The following TOLLIP variants were observed in gnomAD, a reference collection of about 807,000 sequenced individuals.
The protein encoded by TOLLIP is toll-interacting protein.
Under a neutral mutation model 33.5 loss-of-function variants are expected in TOLLIP, and 16 were observed. The ratio of observed to expected loss-of-function variants is 0.48; its 90% CI spans 0.32 to 0.72. TOLLIP has a LOEUF of 0.72. Among genes scored for constraint, TOLLIP ranks in the 30% least tolerant of loss-of-function variants. The probability of loss-of-function intolerance (pLI) is 0.03; values close to 1 mark genes in which losing one functional copy is unlikely to be tolerated. For missense variants in TOLLIP, 325 were observed against 396.6 expected (o/e 0.82, Z 1.53); for synonymous variants, 176 against 163.7 (o/e 1.07, Z -0.57).
chr11:1,299,728 G>A (rs918942736), intron 1 of TOLLIP, among the ~76,000 whole-genome samples: 1 of 152,200 alleles, frequency 6.6e-6, no homozygotes, highest in Non-Finnish European at 1.5e-5. Context: ...CCGTGTGAAG[G>A]CCAACAATTC....
chr11:1,308,490 T>G (rs1452176870), intron 1 of TOLLIP, among the ~76,000 whole-genome samples: 2 of 152,188 alleles, frequency 1.3e-5, no homozygotes, highest in Non-Finnish European at 2.9e-5. Context: ...TTACCCAGTC[T>G]CGGTATTCCT....
intron 4 of TOLLIP, 91 bp downstream of exon 4, chr11:1,288,533 G>GA (rs1863822094): frequency 6.9e-7 from 1 of 1,444,476 alleles, no homozygotes; most frequent in Non-Finnish European, 9.3e-7. Context: ...GTGCCTCCAG[G>GA]AAAGAGACAA....
At chr11:1,281,232 C>T (rs551787135) in intron 5 of TOLLIP, among the ~76,000 whole-genome samples, 3 of 152,304 alleles carry the variant, frequency 2.0e-5, no homozygotes, top group African/African-American at 7.2e-5. Context: ...ATGATCATGG[C>T]GTAAAAGCTT....
rs1863394492 is a variant in TOLLIP at position 1,278,811 on chromosome 11, T to C, written c.611-1558A>G. ...TGGCCACCCTCACCACCCTTTCTTC[T>C]TCCTCAAACAAGACAAAGGCTTGGG... On this transcript the variant is annotated intron_variant, in intron 5 of 5. Coordinates refer to ENST00000317204, the MANE Select transcript of TOLLIP (RefSeq NM_019009.4). This position sits in a 1 kb window ranked among gnomAD's most constrained non-coding sequence, Gnocchi z 4.7. 6.6e-6 allele frequency among the ~76,000 whole-genome samples: 1 copy of C among 152,184 alleles called. No individual in the cohort carries two copies. Among genetic ancestry groups the C allele is most frequent in the African/African-American group, 2.4e-5 (1 of 41,452 alleles).
At position 1,290,629 on chromosome 11, in the gene TOLLIP, C is replaced by T. The variant is rs1863903540; in HGVS notation, c.184-220G>A. 6.6e-6 allele frequency among the ~76,000 whole-genome samples: 1 copy of T among 152,156 alleles called. No homozygotes were observed. Among genetic ancestry groups the T allele is most frequent in the African/African-American group, 2.4e-5 (1 of 41,432 alleles). On this transcript the variant is annotated intron_variant, in intron 2 of 5. Transcript: ENST00000317204. This position sits in a 1 kb window ranked among gnomAD's most constrained non-coding sequence, Gnocchi z 4.9. ...GATCGTGCAGTTCTGAGACAAAGCA[C>T]GTGGCTCGTCCTTGACAGCAGAAAC...
At chr11:1,287,226 T>C (rs748972033) in intron 4 of TOLLIP, among the ~76,000 whole-genome samples, 4 of 152,242 alleles carry the variant, frequency 2.6e-5, no homozygotes, top group Non-Finnish European at 5.9e-5. Context: ...GTAAAATCAC[T>C]GGAGCGTCAT....
intron 1 of TOLLIP, chr11:1,305,919 C>A (rs5743876): frequency 6.6e-6 from 1 of 152,170 alleles, no homozygotes; most frequent in Non-Finnish European, 1.5e-5. Flanking sequence ...GGGGTCCACA[C>A]GGTACTCCTC....
intron 3 of TOLLIP, 78 bp from the exon 4 acceptor site, chr11:1,288,854 C>T: frequency 6.7e-7 from 1 of 1,495,866 alleles, no homozygotes; most frequent in Non-Finnish European, 9.1e-7. Flanking sequence ...CATCGTGGGC[C>T]CGCCTCGAGT....
chr11:1,286,795 T>G (rs1590212596), intron 4 of TOLLIP, among the ~76,000 whole-genome samples: 1 of 151,952 alleles, frequency 6.6e-6, no homozygotes, highest in East Asian at 1.9e-4. Context: ...TGTCTCTGAG[T>G]TCAAAACTGT....
chr11:1,283,540 C>T, intron 5 of TOLLIP: 1 of 456,262 alleles, frequency 2.2e-6, no homozygotes, highest in Non-Finnish European at 4.4e-6. Context: ...GCAGATGTTC[C>T]TGCATCTCCT....
intron 1 of TOLLIP, 34 bp downstream of exon 1, chr11:1,309,432 C>A: frequency 8.0e-7 from 1 of 1,242,950 alleles, no homozygotes. Context: ...CCGCAGGTCA[C>A]CGCCCCCGCC....
At position 1,290,492 on chromosome 11, in the gene TOLLIP, C is replaced by T. The variant is rs958196930; in HGVS notation, c.184-83G>A. On this transcript the variant is annotated intron_variant, in intron 2 of 5. Transcript: ENST00000317204. This position sits in a 1 kb window ranked among gnomAD's most constrained non-coding sequence, Gnocchi z 4.9. ...CTCTAGGCCGTCTGCCTCCCTGAAC[C>T]CTTCCACGAGGCCTTTTCCTAACAC... 3.7e-6 allele frequency: 5 copies of T among 1,352,964 alleles called. No homozygotes were observed. In the African/African-American group the frequency reaches 7.2e-5, roughly 19 times the overall value. The allele number at this position is 1,352,964 out of a possible 1,614,324, so 83.8% of individuals were successfully genotyped here. A position where few individuals can be genotyped will look rare whatever the true frequency, so the allele number is the denominator to read the frequency against.
At chr11:1,281,277 C>T (rs1863488662) in intron 5 of TOLLIP, among the ~76,000 whole-genome samples, 1 of 152,222 alleles carries the variant, frequency 6.6e-6, no homozygotes, top group Non-Finnish European at 1.5e-5. Context: ...TCCAGCCTCC[C>T]TTCCTCACTG....
In TOLLIP at chr11:1,309,591, G is replaced by C; in HGVS notation, c.-93C>G. 1.7e-6 allele frequency: 1 copy of C among 573,856 alleles called. No homozygotes were observed. The highest frequency in any genetic ancestry group is 4.1e-5 in the East Asian group (1 of 24,390). 35.5% of individuals were successfully genotyped at this position (573,856 alleles called of 1,614,324 possible). On this transcript the variant is annotated 5_prime_UTR_variant, in exon 1 of 6. Transcript: ENST00000317204. The stretch of plus-strand genomic sequence containing the variant: ...GCCGGAGCCTGCGACGGAGACAGTT[G>C]TCACCTCGAGGCCGCCGCCGCCACA...
intron 4 of TOLLIP, 109 bp from the exon 5 acceptor site, chr11:1,286,201 C>T: frequency 6.4e-6 from 5 of 785,640 alleles, no homozygotes; most frequent in Non-Finnish European, 1.0e-5. Flanking sequence ...CCAGAATCGC[C>T]CTCCCCATGC....
chr11:1,304,799 A>G (rs1864381956), intron 1 of TOLLIP, among the ~76,000 whole-genome samples: 1 of 152,102 alleles, frequency 6.6e-6, no homozygotes, highest in Non-Finnish European at 1.5e-5. Context: ...GCAATGAGAG[A>G]AAAAAAATAA....
At position 1,300,093 on chromosome 11, in the gene TOLLIP, C is replaced by G. The variant is rs559096159; in HGVS notation, c.34-4299G>C. On this transcript the variant is annotated intron_variant, in intron 1 of 5. Transcript: ENST00000317204. ...ATATCCTGCTAGTTATTTTTAGAAA[C>G]TTTTTAAAAACATTCGTGAATTACT... Among the ~76,000 whole-genome samples the G allele has an allele frequency of 5.3e-5, 8 of 152,318 alleles. 1 individual carries two copies. The East Asian group carries it at 1.5e-3, about 29-fold the overall frequency.
chr11:1,302,786 A>G (rs1249365875), intron 1 of TOLLIP: 1 of 985,488 alleles, frequency 1.0e-6, no homozygotes, highest in Non-Finnish European at 1.2e-6. Context: ...CTCCCACGCC[A>G]GTGTGGACGG....
In TOLLIP at chr11:1,276,012, A is replaced by T. The variant is rs1428528638; in HGVS notation, c.*1027T>A. On this transcript the variant is annotated 3_prime_UTR_variant, in exon 6 of 6. Transcript: ENST00000317204. ...CCTAAAATCTGTCCTGTAGGCCAAGATGCTACACGCAGCGCCCAGGCAGTC... is the reference window on the plus strand; with the variant it reads ...CCTAAAATCTGTCCTGTAGGCCAAGTTGCTACACGCAGCGCCCAGGCAGTC... 1 of 152,226 alleles carries T rather than the reference A, an allele frequency of 6.6e-6. No homozygotes were observed. Among genetic ancestry groups the T allele is most frequent in the Non-Finnish European group, 1.5e-5 (1 of 68,046 alleles). 9.4% of individuals were successfully genotyped at this position (152,226 alleles called of 1,614,324 possible).
Sources: gnomAD v4.1 joint callset for allele counts (sites outside exome capture counted in the v4.1 genomes callset) on GRCh38, gnomAD v4.1.1 for gene constraint, Gnocchi (gnomAD v3.1) non-coding constraint, MANE v1.5 for transcripts, NCBI Gene and HGNC (gene_info 2026-07-23, HGNC 2026-07-21) for gene names.